The following XPO6 variants were observed in gnomAD, a reference collection of about 807,000 sequenced individuals.
XPO6 encodes the protein exportin 6, also known as exportin-6.
A neutral mutation model predicts 130.0 loss-of-function variants in XPO6; 3 were observed. The ratio of observed to expected loss-of-function variants is 0.02; its 90% CI spans 0.01 to 0.06. The LOEUF is 0.06. Among genes scored for constraint, XPO6 ranks in the 10% least tolerant of loss-of-function variants. The pLI is 1.00. For missense variants in XPO6, 970 were observed against 1,393.0 expected (o/e 0.70, Z 4.83); for synonymous variants, 524 against 548.9 (o/e 0.95, Z 0.63).
chr16:28,132,545 G>T lies in XPO6; in HGVS notation c.1537-142C>A. 1 of 556,984 alleles carries T rather than the reference G, an allele frequency of 1.8e-6. No homozygotes were observed. The highest frequency in any genetic ancestry group is 3.1e-6 in the Non-Finnish European group (1 of 322,956). 34.5% of individuals were successfully genotyped at this position (556,984 alleles called of 1,614,324 possible). ...TTTTCTCTGGGAACCTTTAAATGCA[G>T]CTAAAAAGCTATGACCCCCCTTCAG... is the stretch of plus-strand genomic sequence containing the variant. On this transcript the variant is annotated intron_variant, in intron 11 of 23. Transcript: ENST00000304658. The surrounding 1 kb of genome is among the most constrained non-coding windows in gnomAD (Gnocchi z 4.0).
At chr16:28,167,561 T>C (rs1394809709) in intron 5 of XPO6, among the ~76,000 whole-genome samples, 1 of 152,190 alleles carries the variant, frequency 6.6e-6, no homozygotes, top group Admixed American at 6.5e-5. Flanking sequence ...TCCATTCAGC[T>C]GTCACCTCCT....
chr16:28,105,841 A>C (rs937156370), intron 20 of XPO6: 6 of 753,946 alleles, frequency 8.0e-6, no homozygotes, highest in Non-Finnish European at 1.0e-5. Context: ...CCATGCTTAC[A>C]CTAGACTAGC....
chr16:28,140,181 G>A (rs571507614), intron 9 of XPO6, among the ~76,000 whole-genome samples: 66 of 140,810 alleles, frequency 4.7e-4, no homozygotes, highest in African/African-American at 1.6e-3. Context: ...GCAGTGAGCC[G>A]AGATCACACC....
intron 1 of XPO6, among the ~76,000 whole-genome samples, chr16:28,196,448 G>C (rs948485668): frequency 1.3e-5 from 2 of 152,166 alleles, no homozygotes; most frequent in Admixed American, 1.3e-4. Context: ...ATGGGTACAG[G>C]TTTCCTCTGG....
chr16:28,147,935 G>C (rs896160530), intron 8 of XPO6, among the ~76,000 whole-genome samples: 8 of 152,154 alleles, frequency 5.3e-5, no homozygotes, highest in East Asian at 1.9e-4. Context: ...AACAGAGCAA[G>C]ACCCTGTCTC....
intron 8 of XPO6, among the ~76,000 whole-genome samples, chr16:28,150,016 G>T (rs767924776): frequency 4.6e-4 from 70 of 152,200 alleles, no homozygotes; most frequent in South Asian, 3.1e-3. Flanking sequence ...CCTATAAGCA[G>T]GCCTTGGTCC....
chr16:28,167,487 C>T (rs1284011115), intron 5 of XPO6, among the ~76,000 whole-genome samples: 2 of 152,188 alleles, frequency 1.3e-5, no homozygotes, highest in East Asian at 3.8e-4. Context: ...GACCTGCTCT[C>T]CTCCTCCCAA....
intron 9 of XPO6, among the ~76,000 whole-genome samples, chr16:28,137,943 C>CAGCT (rs1212675441): frequency 6.6e-6 from 1 of 152,100 alleles, no homozygotes; most frequent in Admixed American, 6.6e-5. Flanking sequence ...TAGCTCCCGA[C>CAGCT]AGCTCGTTTC....
chr16:28,164,514 C>T (rs2043326120), intron 6 of XPO6, among the ~76,000 whole-genome samples: 2 of 152,146 alleles, frequency 1.3e-5, no homozygotes, highest in African/African-American at 2.4e-5. Context: ...TAAAAGCTTA[C>T]ATAACTCCCT....
chr16:28,186,441 T>C (rs1333662190), intron 1 of XPO6, among the ~76,000 whole-genome samples: 1 of 142,482 alleles, frequency 7.0e-6, no homozygotes, highest in African/African-American at 2.6e-5. Flanking sequence ...GGCATGATCC[T>C]AGTTCACTGA....
At chr16:28,178,101 C>T (rs1007421525) in intron 2 of XPO6, among the ~76,000 whole-genome samples, 1 of 152,120 alleles carries the variant, frequency 6.6e-6, no homozygotes, top group Non-Finnish European at 1.5e-5. Flanking sequence ...ACCTGCTGCA[C>T]TGGTCATGAA....
intron 15 of XPO6, among the ~76,000 whole-genome samples, chr16:28,115,234 A>C (rs188231584): frequency 2.0e-5 from 3 of 152,234 alleles, no homozygotes; most frequent in Admixed American, 2.0e-4. Context: ...TTATTTGCCC[A>C]GATCCACTGG....
chr16:28,169,641 C>T (rs930390084), intron 5 of XPO6, 109 bp downstream of exon 5: 4 of 1,405,572 alleles, frequency 2.8e-6, no homozygotes, highest in African/African-American at 2.9e-5. Context: ...CATTTTCATG[C>T]TATCTCAGAA....
intron 1 of XPO6, chr16:28,183,200 G>A (rs1435345431): frequency 1.3e-5 from 2 of 152,092 alleles, no homozygotes; most frequent in Non-Finnish European, 2.9e-5. Context: ...TCTCCAAAAA[G>A]AATCCAACTC....
intron 1 of XPO6, among the ~76,000 whole-genome samples, chr16:28,207,932 G>A (rs2044059677): frequency 6.6e-6 from 1 of 152,136 alleles, no homozygotes; most frequent in African/African-American, 2.4e-5. Context: ...ATCACCTGAG[G>A]TCAGGAGTTC....
chr16:28,192,539 A>C (rs1467151975), intron 1 of XPO6, among the ~76,000 whole-genome samples: 2 of 152,184 alleles, frequency 1.3e-5, no homozygotes, highest in Non-Finnish European at 1.5e-5. Context: ...GGAAGGTAGG[A>C]CACAGCTAAG....
Position 28,107,502 on chromosome 16 carries a change from G to A in XPO6, c.2497+20C>T, listed in dbSNP as rs1316659531. The A allele has an allele frequency of 1.2e-6, 2 of 1,613,478 alleles. No homozygotes were observed. Among genetic ancestry groups the A allele is most frequent in the Non-Finnish European group, 1.7e-6 (2 of 1,179,596 alleles). On this transcript the variant is annotated intron_variant, in intron 18 of 23. Transcript: ENST00000304658. The stretch of plus-strand genomic sequence containing the variant: ...CTTGTTAGCACCACCCACCAGTGGG[G>A]CCTCTGGGCCAGCTCCTACCTGACT...
chr16:28,142,095 C>A (rs755997005), intron 9 of XPO6, among the ~76,000 whole-genome samples: 8 of 152,230 alleles, frequency 5.3e-5, no homozygotes, highest in Admixed American at 2.0e-4. Flanking sequence ...ATGAGTGCTG[C>A]CTTTGTGACT....
chr16:28,157,490 TA>T (rs1320298805), intron 6 of XPO6, among the ~76,000 whole-genome samples: 1 of 152,112 alleles, frequency 6.6e-6, no homozygotes, highest in African/African-American at 2.4e-5. Flanking sequence ...AAAGAGTTCC[TA>T]ATCAATGAAA....
Sources: gnomAD v4.1 joint callset for allele counts (sites outside exome capture counted in the v4.1 genomes callset) on GRCh38, gnomAD v4.1.1 for gene constraint, Gnocchi (gnomAD v3.1) non-coding constraint, MANE v1.5 for transcripts, NCBI Gene and HGNC (gene_info 2026-07-23, HGNC 2026-07-21) for gene names.